KSR1: variants seen among roughly 807,000 people sequenced by gnomAD.
KSR1 encodes kinase suppressor of ras.
A neutral mutation model predicts 92.9 loss-of-function variants in KSR1; 35 were observed. The ratio of observed to expected loss-of-function variants is 0.38; its 90% CI spans 0.29 to 0.50. KSR1 has a LOEUF of 0.50. Among genes scored for constraint, KSR1 ranks in the 20% least tolerant of loss-of-function variants. The pLI is 0.94. For missense variants in KSR1, 972 were observed against 1,158.5 expected (o/e 0.84, Z 2.34); for synonymous variants, 467 against 472.6 (o/e 0.99, Z 0.15).
At chr17:27,481,976 G>A (rs2068525417) in intron 1 of KSR1, among the ~76,000 whole-genome samples, 1 of 152,144 alleles carries the variant, frequency 6.6e-6, no homozygotes, top group African/African-American at 2.4e-5. Context: ...TCTGTATGTT[G>A]AACCTTAATT....
At chr17:27,609,493 T>G (rs2073855975) in intron 16 of KSR1, among the ~76,000 whole-genome samples, 164 bp downstream of exon 16, 2 of 152,150 alleles carry the variant, frequency 1.3e-5, no homozygotes, top group African/African-American at 4.8e-5. Flanking sequence ...AGAATCAGAT[T>G]TGGGTCGCGT....
rs190626615 is a variant in KSR1, at chr17:27,487,240, G to A, written c.231+30366G>A. On this transcript the variant is annotated intron_variant, in intron 1 of 20. Coordinates refer to ENST00000644974, the MANE Select transcript of KSR1 (RefSeq NM_001394583.1). The stretch of plus-strand genomic sequence containing the variant: ...ACCTGAGGTCAGGAGTTGGATACCC[G>A]CCTGGCCAACATGGTGAAACCCCGT... Among the ~76,000 whole-genome samples the A allele has an allele frequency of 4.8e-3, 738 of 152,210 alleles. 5 individuals carry two copies. Among genetic ancestry groups the A allele is most frequent in the African/African-American group, 0.017 (712 of 41,530 alleles).
intron 1 of KSR1, among the ~76,000 whole-genome samples, chr17:27,492,300 G>A (rs189821956): frequency 9.3e-4 from 141 of 152,320 alleles, no homozygotes; most frequent in African/African-American, 3.0e-3. Flanking sequence ...TTGCTTTCCC[G>A]TCAGACTTGG....
chr17:27,490,303 A>C (rs2068783680), intron 1 of KSR1, among the ~76,000 whole-genome samples: 1 of 152,266 alleles, frequency 6.6e-6, no homozygotes, highest in African/African-American at 2.4e-5. Context: ...AGACCACAGC[A>C]GACTATCTCA....
At chr17:27,479,028 C>T (rs2068431072) in intron 1 of KSR1, among the ~76,000 whole-genome samples, 2 of 150,164 alleles carry the variant, frequency 1.3e-5, no homozygotes, top group South Asian at 2.1e-4. Context: ...TTCCCTCCCT[C>T]CGTGCTCCTC....
chr17:27,456,593 G>T lies in KSR1; in HGVS notation c.-51G>T. 2.2e-6 allele frequency: 1 copy of T among 460,918 alleles called. No homozygotes were observed. Among genetic ancestry groups the T allele is most frequent in the Non-Finnish European group, 3.7e-6 (1 of 267,522 alleles). The allele number at this position is 460,918 out of a possible 1,614,324, so 28.6% of individuals were successfully genotyped here. Reference sequence around the variant, plus strand: ...TGGCTCGGGGGTTCCTTGCCGAGGCGCCCGCGCCCCGGGCTCCCAGCCTCG... The same window carrying T: ...TGGCTCGGGGGTTCCTTGCCGAGGCTCCCGCGCCCCGGGCTCCCAGCCTCG... On this transcript the variant is annotated 5_prime_UTR_variant, in exon 1 of 21. Transcript: ENST00000644974.
intron 1 of KSR1, among the ~76,000 whole-genome samples, chr17:27,505,564 C>G (rs1039933540): frequency 1.5e-5 from 2 of 136,644 alleles, no homozygotes; most frequent in Non-Finnish European, 3.1e-5. Flanking sequence ...CTTTGCCACT[C>G]CCTGGCTGTG....
intron 2 of KSR1, among the ~76,000 whole-genome samples, chr17:27,575,187 C>T (rs2151148682): frequency 6.6e-6 from 1 of 152,334 alleles, no homozygotes; most frequent in Middle Eastern, 3.4e-3. Flanking sequence ...AGAATAGCAA[C>T]CCCGTAGGCA....
intron 3 of KSR1, among the ~76,000 whole-genome samples, chr17:27,581,507 TG>T (rs1456391851): frequency 6.6e-6 from 1 of 152,094 alleles, no homozygotes; most frequent in Admixed American, 6.6e-5. Flanking sequence ...CTTCCCATTA[TG>T]CTGTTCCCTC....
At chr17:27,522,293 C>G (rs1948437893) in intron 1 of KSR1, among the ~76,000 whole-genome samples, 1 of 152,158 alleles carries the variant, frequency 6.6e-6, no homozygotes, top group Non-Finnish European at 1.5e-5. Flanking sequence ...TGAACTTGAT[C>G]CTAGGAATAC....
intron 2 of KSR1, chr17:27,566,612 G>T: frequency 2.5e-6 from 1 of 399,062 alleles, no homozygotes; most frequent in Non-Finnish European, 4.4e-6. Context: ...CCATTCCACA[G>T]CTCCCTGGAG....
At chr17:27,607,527 C>T (rs545691797) in intron 14 of KSR1, among the ~76,000 whole-genome samples, 78 of 152,182 alleles carry the variant, frequency 5.1e-4, no homozygotes, top group African/African-American at 1.7e-3. Context: ...GACAGTGAGC[C>T]CCAGAGCCTT....
At position 27,623,384 on chromosome 17, in the gene KSR1, A is replaced by G; in HGVS notation, c.2779A>G (p.Lys927Glu). The part of the protein sequence containing the change: ...GLGVLESSNP[K>E]M ...GGGCGTCCTGGAGTCCAGTAATCCAAAGATGTAGCCAGCCATATGGTTTTT... is the reference window on the plus strand; with the variant it reads ...GGGCGTCCTGGAGTCCAGTAATCCAGAGATGTAGCCAGCCATATGGTTTTT... The change falls in exon 21 of 21, where the codon AAG (lysine) becomes GAG (glutamate). Residue 927 changes from lysine to glutamate, a missense_variant. Coordinates refer to ENST00000644974, the MANE Select transcript of KSR1 (RefSeq NM_001394583.1). The G allele has an allele frequency of 1.3e-6, 1 of 764,792 alleles. No homozygotes were observed. Among genetic ancestry groups the G allele is most frequent in the Non-Finnish European group, 2.4e-6 (1 of 417,720 alleles). The allele number at this position is 764,792 out of a possible 1,614,324, so 47.4% of individuals were successfully genotyped here. A position where few individuals can be genotyped will look rare whatever the true frequency, so the allele number is the denominator to read the frequency against.
intron 1 of KSR1, among the ~76,000 whole-genome samples, chr17:27,544,029 C>G (rs550438098): frequency 6.6e-6 from 1 of 152,200 alleles, no homozygotes; most frequent in Non-Finnish European, 1.5e-5. Flanking sequence ...ACACCACCCA[C>G]GTCCGCTGCC....
intron 2 of KSR1, among the ~76,000 whole-genome samples, chr17:27,553,835 C>T (rs2071492210): frequency 6.6e-6 from 1 of 152,230 alleles, no homozygotes; most frequent in South Asian, 2.1e-4. Flanking sequence ...TACCTTGGTT[C>T]AGTTCTACCT....
At chr17:27,498,823 G>A (rs563347324) in intron 1 of KSR1, among the ~76,000 whole-genome samples, 34 of 152,174 alleles carry the variant, frequency 2.2e-4, no homozygotes, top group Non-Finnish European at 3.8e-4. Flanking sequence ...GTGGGCAGGT[G>A]GAGACTCACT....
intron 5 of KSR1, chr17:27,588,261 C>G: frequency 2.7e-6 from 1 of 368,974 alleles, no homozygotes; most frequent in Non-Finnish European, 4.9e-6. Context: ...AGGCCAGGAG[C>G]AAGCTAGAGG....
At chr17:27,471,575 G>A (rs1472911977) in intron 1 of KSR1, among the ~76,000 whole-genome samples, 5 of 152,170 alleles carry the variant, frequency 3.3e-5, no homozygotes, top group Admixed American at 2.6e-4. Context: ...TGTCAGGGGA[G>A]GATGGTTGGC....
intron 1 of KSR1, among the ~76,000 whole-genome samples, chr17:27,550,033 G>A (rs558601728): frequency 2.5e-4 from 38 of 152,194 alleles, no homozygotes; most frequent in African/African-American, 3.4e-4. Context: ...ACCCCACCCT[G>A]GCAGGAAAGC....
Sources: allele counts gnomAD v4.1 joint callset (sites outside exome capture counted in the v4.1 genomes callset), GRCh38; gene constraint gnomAD v4.1.1; transcripts MANE v1.5; gene names NCBI Gene and HGNC (gene_info 2026-07-23, HGNC 2026-07-21).